PTPRG: variants seen among roughly 807,000 people sequenced by gnomAD.
The protein encoded by PTPRG is receptor-type tyrosine-protein phosphatase gamma.
Under a neutral mutation model 165.3 loss-of-function variants are expected in PTPRG, and 102 were observed. The observed-to-expected ratio is 0.62, with a 90% confidence interval of 0.53 to 0.73. The LOEUF (loss-of-function observed/expected upper bound fraction) is 0.73. Among genes scored for constraint, PTPRG ranks in the 30% least tolerant of loss-of-function variants. PTPRG has a pLI of 0.00. For missense variants in PTPRG, 1,866 were observed against 1,861.4 expected (o/e 1.00, Z -0.05); for synonymous variants, 675 against 669.5 (o/e 1.01, Z -0.13).
Position 62,038,055 on chromosome 3 carries a change from T to C in PTPRG, c.519+34558T>C, listed in dbSNP as rs532008963. ...CATCCAGAAGGAGTGTCAAGTCAAA[T>C]AGGCCAGAGCTGGTTCATGTCCCAG... On this transcript the variant is annotated intron_variant, in intron 4 of 29. Transcript: ENST00000474889. 9.9e-5 allele frequency among the ~76,000 whole-genome samples: 15 copies of C among 152,262 alleles called. No individual in the cohort carries two copies. The South Asian group carries it at 1.9e-3, about 19-fold the overall frequency.
chr3:61,649,468 T>C (rs1047572673), intron 1 of PTPRG, among the ~76,000 whole-genome samples: 4 of 152,208 alleles, frequency 2.6e-5, no homozygotes, highest in African/African-American at 9.6e-5. Flanking sequence ...CTAAGGAAGA[T>C]ATGCTGTGAC....
At chr3:62,029,402 T>C (rs1404472890) in intron 4 of PTPRG, among the ~76,000 whole-genome samples, 1 of 152,206 alleles carries the variant, frequency 6.6e-6, no homozygotes, top group African/African-American at 2.4e-5. Flanking sequence ...GGGCTCATTA[T>C]CAAAAGGTGA....
chr3:61,804,568 T>C (rs985345703), intron 2 of PTPRG, among the ~76,000 whole-genome samples: 86 of 152,310 alleles, frequency 5.6e-4, no homozygotes, highest in Admixed American at 4.6e-4. Context: ...TCAGTGTCTT[T>C]CTGTTTAAGG....
At chr3:61,868,910 T>G (rs1559658423) in intron 2 of PTPRG, among the ~76,000 whole-genome samples, 2 of 152,104 alleles carry the variant, frequency 1.3e-5, no homozygotes, top group Admixed American at 6.5e-5. Context: ...GGGTGTTTTT[T>G]TTTTTTGAAG....
intron 2 of PTPRG, among the ~76,000 whole-genome samples, chr3:61,920,800 A>AT (rs2039059214): frequency 6.6e-6 from 1 of 152,204 alleles, no homozygotes; most frequent in African/African-American, 2.4e-5. Flanking sequence ...ATATTTTAGC[A>AT]TTTTTTAAAT....
At chr3:62,069,684 T>TCTCTCTGTCTCTCTCTCTCACACA (rs542306888) in intron 4 of PTPRG, among the ~76,000 whole-genome samples, 6 of 144,960 alleles carry the variant, frequency 4.1e-5, no homozygotes, top group African/African-American at 1.6e-4. Flanking sequence ...TCTCTCTCTC[T>TCTCTCTGTCTCTCTCTCTCACACA]CACACACAGA....
chr3:61,579,255 C>T (rs1307177748), intron 1 of PTPRG, among the ~76,000 whole-genome samples: 1 of 152,190 alleles, frequency 6.6e-6, no homozygotes, highest in African/African-American at 2.4e-5. Context: ...TGATCACCTG[C>T]ATCTGCCTCT....
intron 3 of PTPRG, among the ~76,000 whole-genome samples, chr3:61,999,327 A>G (rs13098477): frequency 6.6e-6 from 1 of 152,060 alleles, no homozygotes; most frequent in African/African-American, 2.4e-5. Flanking sequence ...GGTTATAAGC[A>G]CAAGCCACCG....
intron 1 of PTPRG, among the ~76,000 whole-genome samples, chr3:61,614,713 A>G (rs1259561575): frequency 1.3e-5 from 2 of 152,200 alleles, no homozygotes; most frequent in Non-Finnish European, 2.9e-5. Flanking sequence ...TGCCCAGCCT[A>G]CTTTAATAAT....
chr3:62,035,706 C>T (rs920932710), intron 4 of PTPRG, among the ~76,000 whole-genome samples: 22 of 152,310 alleles, frequency 1.4e-4, no homozygotes, highest in Admixed American at 4.6e-4. Flanking sequence ...TTGGAAACCA[C>T]GGAAAATTTC....
intron 1 of PTPRG, among the ~76,000 whole-genome samples, chr3:61,638,743 A>C (rs1247615160): frequency 6.6e-6 from 1 of 151,554 alleles, no homozygotes; most frequent in Non-Finnish European, 1.5e-5. Flanking sequence ...CAGCCTTGCC[A>C]TGCCTACTTT....
At chr3:61,977,627 C>A (rs902104907) in intron 2 of PTPRG, among the ~76,000 whole-genome samples, 1 of 151,864 alleles carries the variant, frequency 6.6e-6, no homozygotes, top group African/African-American at 2.4e-5. Context: ...TTAGATACTT[C>A]TACCTCCATT....
At chr3:62,283,281 A>G (rs997800173) in intron 28 of PTPRG, among the ~76,000 whole-genome samples, 6 of 152,122 alleles carry the variant, frequency 3.9e-5, no homozygotes, top group African/African-American at 1.4e-4. Flanking sequence ...GACTTAGTTG[A>G]TGAGTAGAGA....
chr3:62,197,396 A>G (rs1699991464), intron 10 of PTPRG, among the ~76,000 whole-genome samples: 1 of 152,162 alleles, frequency 6.6e-6, no homozygotes, highest in Non-Finnish European at 1.5e-5. Context: ...TCCATTTAGT[A>G]TTTAAATATT....
intron 3 of PTPRG, among the ~76,000 whole-genome samples, chr3:61,998,511 G>A (rs747088837): frequency 3.9e-5 from 6 of 152,172 alleles, no homozygotes; most frequent in Non-Finnish European, 2.9e-5. Flanking sequence ...ACCAAGAAGT[G>A]CATTAACTTT....
intron 1 of PTPRG, among the ~76,000 whole-genome samples, chr3:61,578,497 G>C (rs1453034951): frequency 5.3e-5 from 8 of 152,218 alleles, no homozygotes; most frequent in Non-Finnish European, 1.2e-4. Context: ...CTCTGCATCT[G>C]AGTAGTGTAG....
At chr3:61,724,217 CA>C (rs1260061643) in intron 1 of PTPRG, among the ~76,000 whole-genome samples, 16 of 128,646 alleles carry the variant, frequency 1.2e-4, no homozygotes, top group Admixed American at 8.3e-5. Flanking sequence ...CTCCCATCTC[CA>C]AAAAAAAAAA....
At chr3:62,153,829 A>G (rs1468598903) in intron 6 of PTPRG, among the ~76,000 whole-genome samples, 2 of 152,194 alleles carry the variant, frequency 1.3e-5, no homozygotes, top group African/African-American at 4.8e-5. Context: ...GAACCTGGGC[A>G]GGCTGAAAAT....
intron 4 of PTPRG, among the ~76,000 whole-genome samples, chr3:62,033,172 A>G (rs1699824690): frequency 6.6e-6 from 1 of 152,062 alleles, no homozygotes. Flanking sequence ...CCTTCTTTAA[A>G]AGGCCTTGCC....
Sources: allele counts gnomAD v4.1 joint callset (sites outside exome capture counted in the v4.1 genomes callset), GRCh38; gene constraint gnomAD v4.1.1; transcripts MANE v1.5; gene names NCBI Gene and HGNC (gene_info 2026-07-23, HGNC 2026-07-21).